The following SPINDOC variants were observed in gnomAD, a reference collection of about 807,000 sequenced individuals.
SPINDOC encodes spindlin interactor and repressor of chromatin-binding protein.
In SPINDOC, 13 loss-of-function variants were observed where a neutral mutation model predicts 30.7. The ratio of observed to expected loss-of-function variants is 0.42; its 90% CI spans 0.28 to 0.67. SPINDOC has a LOEUF of 0.67. SPINDOC is among the 30% of genes least tolerant of loss of function. The probability of loss-of-function intolerance (pLI) is 0.22; values close to 1 mark genes in which losing one functional copy is unlikely to be tolerated. For missense variants in SPINDOC, 438 were observed against 518.0 expected (o/e 0.85, Z 1.50); for synonymous variants, 228 against 211.4 (o/e 1.08, Z -0.68).
chr11:63,821,590 T>G (rs2015522129), intron 5 of SPINDOC, among the ~76,000 whole-genome samples: 1 of 152,170 alleles, frequency 6.6e-6, no homozygotes, highest in African/African-American at 2.4e-5. Flanking sequence ...CAAGCATAGT[T>G]TACAGGCGCT....
chr11:63,826,628 G>A (rs1565081103), intron 5 of SPINDOC, among the ~76,000 whole-genome samples: 1 of 152,202 alleles, frequency 6.6e-6, no homozygotes, highest in South Asian at 2.1e-4. Flanking sequence ...GGAGTTACAG[G>A]AAGAGGCACG....
chr11:63,823,484 G>A, intron 5 of SPINDOC: 1 of 393,968 alleles, frequency 2.5e-6, no homozygotes, highest in Non-Finnish European at 4.0e-6. Flanking sequence ...AGAACCTTCT[G>A]AGGACCTTGC....
chr11:63,824,074 A>AT (rs2015595848), intron 5 of SPINDOC, among the ~76,000 whole-genome samples: 1 of 151,414 alleles, frequency 6.6e-6, no homozygotes, highest in Non-Finnish European at 1.5e-5. Flanking sequence ...CGCCTGGCTA[A>AT]TTTTTTTGTA....
chr11:63,820,242 A>G (rs939137665), intron 5 of SPINDOC, among the ~76,000 whole-genome samples: 1 of 151,882 alleles, frequency 6.6e-6, no homozygotes, highest in Admixed American at 6.6e-5. Context: ...TACTAAAAAT[A>G]TAAAAATTAG....
At position 63,817,830 on chromosome 11, in the gene SPINDOC, G is replaced by T. The variant is rs530312684; in HGVS notation, c.153G>T (p.Pro51=). ...TGACCCAACAGGAGAAGACCCCACC[G>T]CCTAGACCCAGCCCGCTAGAGGCAG... is the stretch of plus-strand genomic sequence containing the variant. ...LRVTQQEKTP[P]PRPSPLEAGS... is the part of the protein sequence containing the mutation. Residue 51 remains proline, a synonymous_variant, in exon 2 of 6, where the codon CCG becomes CCT. Transcript: ENST00000294244. The T allele has an allele frequency of 2.8e-4, 444 of 1,598,444 alleles. 9 individuals carry two copies. In the South Asian group the frequency reaches 4.7e-3, roughly 17 times the overall value.
chr11:63,825,385 C>T (rs1298687689), intron 5 of SPINDOC, among the ~76,000 whole-genome samples: 1 of 152,182 alleles, frequency 6.6e-6, no homozygotes, highest in Non-Finnish European at 1.5e-5. Context: ...ACTGGCTCCT[C>T]ACTCCCTCTG....
chr11:63,814,619 G>A (rs926086299), intron 1 of SPINDOC, among the ~76,000 whole-genome samples: 1 of 152,104 alleles, frequency 6.6e-6, no homozygotes, highest in African/African-American at 2.4e-5. Flanking sequence ...CTCCCACCCC[G>A]CTTTTCTTAG....
At chr11:63,822,467 T>C (rs138067067) in intron 5 of SPINDOC, 49 of 573,950 alleles carry the variant, frequency 8.5e-5, no homozygotes, top group African/African-American at 7.9e-4. Context: ...TGTTCACTGC[T>C]ATACCACTCT....
intron 5 of SPINDOC, among the ~76,000 whole-genome samples, chr11:63,819,841 C>T (rs503341): frequency 0.5 from 75,321 of 151,976 alleles, 19,147 homozygotes; most frequent in East Asian, 0.77. Context: ...GAATTGGTCA[C>T]TGGGTCCGGG....
At chr11:63,824,942 C>T (rs1415514692) in intron 5 of SPINDOC, among the ~76,000 whole-genome samples, 1 of 152,270 alleles carries the variant, frequency 6.6e-6, no homozygotes, top group East Asian at 1.9e-4. Context: ...CAGCATCTGT[C>T]CAGCAGCCGA....
Position 63,818,613 on chromosome 11 carries a change from A to C in SPINDOC, c.694A>C (p.Arg232=). 3 of 1,613,768 alleles carry C rather than the reference A, an allele frequency of 1.9e-6. No individual in the cohort carries two copies. The South Asian group carries it at 3.3e-5, about 18-fold the overall frequency. ...AGGGGAAGAGCCAGTCAGAAAGAAA[A>C]GAGGCAGACCTATGACCAAAAACCT... ...PPGEEPVRKK[R]GRPMTKNLDP... Residue 232 remains arginine (R), a synonymous_variant, in exon 4 of 6, where the codon AGA becomes CGA. Transcript: ENST00000294244. The surrounding 1 kb of genome is among the most constrained non-coding windows in gnomAD (Gnocchi z 5.3).
chr11:63,817,690 G>T, intron 1 of SPINDOC, 115 bp from the exon 2 acceptor site: 1 of 935,600 alleles, frequency 1.1e-6, no homozygotes, highest in Non-Finnish European at 1.6e-6. Flanking sequence ...AGAACACTTT[G>T]GCCAGAAATG....
At chr11:63,823,099 T>C in intron 5 of SPINDOC, 1 of 1,268,106 alleles carries the variant, frequency 7.9e-7, no homozygotes, top group Non-Finnish European at 1.0e-6. Flanking sequence ...ATGGCATGAG[T>C]GAGACAGCCT....
chr11:63,818,926 C>G lies in SPINDOC; in HGVS notation c.858C>G (p.Gly286=). 6.2e-7 allele frequency: 1 copy of G among 1,614,152 alleles called. No homozygotes were observed. Among genetic ancestry groups the G allele is most frequent in the Non-Finnish European group, 8.5e-7 (1 of 1,180,040 alleles). ...TCTTCTCCCACACCCAGCTCAGGGG[C>G]CCAGACAGCAAGGACTCACCCAAAG... is the stretch of plus-strand genomic sequence containing the variant. The part of the protein sequence containing the change: ...LQLFSHTQLR[G]PDSKDSPKDR... The change falls in exon 5 of 6, where the codon GGC becomes GGG. Residue 286 remains glycine, a synonymous_variant. Transcript: ENST00000294244. The surrounding 1 kb of genome is among the most constrained non-coding windows in gnomAD (Gnocchi z 5.3).
At chr11:63,824,800 A>G (rs1011052105) in intron 5 of SPINDOC, among the ~76,000 whole-genome samples, 1 of 151,194 alleles carries the variant, frequency 6.6e-6, no homozygotes, top group Non-Finnish European at 1.5e-5. Flanking sequence ...CCACATTGAA[A>G]CTGAACCCCC....
At position 63,813,934 on chromosome 11, in the gene SPINDOC, GT is replaced by G. The variant is rs376451375; in HGVS notation, c.127+124del. On this transcript the variant is annotated intron_variant, in intron 1 of 5. Transcript: ENST00000294244. Reference sequence around the variant, plus strand: ...CACCCCCTTCAGCCTTGGGGCCCAGGTTTCCCTCTCGGATCTGGGTCCAGGG... The same window carrying G: ...CACCCCCTTCAGCCTTGGGGCCCAGGTTCCCTCTCGGATCTGGGTCCAGGG... 2.5e-5 allele frequency: 32 copies of G among 1,281,050 alleles called. No individual in the cohort carries two copies. In the African/African-American group the frequency reaches 4.5e-4, roughly 18 times the overall value. The allele number at this position is 1,281,050 out of a possible 1,614,324, so 79.4% of individuals were successfully genotyped here.
intron 5 of SPINDOC, among the ~76,000 whole-genome samples, chr11:63,825,020 C>T (rs1015981664): frequency 1.3e-5 from 2 of 152,192 alleles, no homozygotes; most frequent in Admixed American, 6.5e-5. Context: ...TAGTCAGGGC[C>T]GGCTCTCGCC....
intron 1 of SPINDOC, among the ~76,000 whole-genome samples, chr11:63,816,943 G>A (rs991103398): frequency 2.6e-5 from 4 of 152,164 alleles, no homozygotes; most frequent in African/African-American, 9.7e-5. Context: ...TGAAGCAGGA[G>A]GATTGCTTGA....
At chr11:63,819,480 C>T (rs2015450224) in intron 5 of SPINDOC, among the ~76,000 whole-genome samples, 1 of 150,264 alleles carries the variant, frequency 6.7e-6, no homozygotes, top group Non-Finnish European at 1.5e-5. Context: ...CAAAGTACAC[C>T]ACGCCTGGCC....
Sources: allele counts gnomAD v4.1 joint callset (sites outside exome capture counted in the v4.1 genomes callset), GRCh38; gene constraint gnomAD v4.1.1; non-coding constraint Gnocchi (gnomAD v3.1); transcripts MANE v1.5; gene names NCBI Gene and HGNC (gene_info 2026-07-23, HGNC 2026-07-21).